The following SAMD3 variants were observed in gnomAD, a reference collection of about 807,000 sequenced individuals.
The protein encoded by SAMD3 is sterile alpha motif domain-containing protein 3.
SAMD3 carries 63 observed loss-of-function variants against 58.5 expected under a neutral mutation model. The observed-to-expected ratio is 1.08, with a 90% CI of 0.88 to 1.33. SAMD3 has a LOEUF of 1.33. SAMD3 is among the 40% of genes most tolerant of loss of function. The probability of loss-of-function intolerance (pLI) is 0.00; values close to 1 mark genes in which losing one functional copy is unlikely to be tolerated. For missense variants in SAMD3, 604 were observed against 608.4 expected, an observed-to-expected ratio of 0.99 and a Z score of 0.08; for synonymous variants, 220 against 210.3, an observed-to-expected ratio of 1.05 and a Z score of -0.40.
chr6:130,164,663 C>A (rs2114626880), intron 8 of SAMD3, among the ~76,000 whole-genome samples: 1 of 152,050 alleles, frequency 6.6e-6, no homozygotes, highest in Non-Finnish European at 1.5e-5. Flanking sequence ...ATATGACATG[C>A]CCACCTTGGG....
intron 2 of SAMD3, among the ~76,000 whole-genome samples, chr6:130,264,371 A>G (rs116904678): frequency 0.012 from 1,782 of 152,256 alleles, 14 homozygotes; most frequent in Middle Eastern, 0.024. Flanking sequence ...ACCTGAAGGG[A>G]TGTGATGAGT....
In SAMD3 at chr6:130,281,156, G is replaced by T. The variant is rs915520961; in HGVS notation, c.-188+31822C>A. On this transcript the variant is annotated intron_variant, in intron 2 of 13. Transcript: ENST00000368134. ...TCTCTCTCTTTCAAAATATCCCATT[G>T]TACTGTCCTCCCCTATTTTGGATTG... Among the ~76,000 whole-genome samples, 4 of 152,236 alleles carry T rather than the reference G, an allele frequency of 2.6e-5. No homozygotes were observed. The East Asian group carries it at 7.7e-4, about 29-fold the overall frequency.
At chr6:130,220,922 C>T (rs569181584) in intron 1 of SAMD3, among the ~76,000 whole-genome samples, 43 of 151,922 alleles carry the variant, frequency 2.8e-4, no homozygotes, top group African/African-American at 8.0e-4. Context: ...GGCACGATCT[C>T]GGCTCACTGC....
At chr6:130,182,953 G>C (rs1792509259) in intron 7 of SAMD3, 2 of 174,862 alleles carry the variant, frequency 1.1e-5, no homozygotes, top group African/African-American at 4.8e-5. Flanking sequence ...ACAGTTCCTT[G>C]TAATTGTTCC....
chr6:130,352,262 G>C (rs1777699097), intron 1 of SAMD3, among the ~76,000 whole-genome samples: 1 of 151,698 alleles, frequency 6.6e-6, no homozygotes, highest in Non-Finnish European at 1.5e-5. Context: ...ACATAGAAAG[G>C]GGATAAACTC....
intron 9 of SAMD3, among the ~76,000 whole-genome samples, chr6:130,153,401 A>C (rs998122902): frequency 1.3e-4 from 20 of 152,148 alleles, no homozygotes; most frequent in African/African-American, 4.8e-4. Flanking sequence ...TTATGTTTCT[A>C]TTAAAATAAT....
At chr6:130,291,130 G>A (rs1033586168) in intron 2 of SAMD3, among the ~76,000 whole-genome samples, 26 of 151,990 alleles carry the variant, frequency 1.7e-4, no homozygotes, top group African/African-American at 4.6e-4. Flanking sequence ...TCACTCTGTC[G>A]CCCAGGCTGG....
chr6:130,344,525 G>A (rs921040259), intron 1 of SAMD3, among the ~76,000 whole-genome samples: 5 of 152,076 alleles, frequency 3.3e-5, no homozygotes, highest in African/African-American at 1.2e-4. Flanking sequence ...GGGATTTCAG[G>A]CAAACACCAT....
chr6:130,246,177 A>G (rs1453835892), intron 2 of SAMD3, among the ~76,000 whole-genome samples: 4 of 152,344 alleles, frequency 2.6e-5, no homozygotes, highest in African/African-American at 9.6e-5. Flanking sequence ...AAGCCTCCAG[A>G]AAATATACTA....
intron 2 of SAMD3, among the ~76,000 whole-genome samples, chr6:130,297,275 CCA>C (rs1775602440): frequency 1.3e-5 from 2 of 152,144 alleles, no homozygotes; most frequent in Admixed American, 6.5e-5. Flanking sequence ...ACCAATGAAC[CCA>C]TATAGAGTCT....
At chr6:130,322,020 G>A (rs961552204) in intron 1 of SAMD3, among the ~76,000 whole-genome samples, 1 of 152,206 alleles carries the variant, frequency 6.6e-6, no homozygotes, top group African/African-American at 2.4e-5. Flanking sequence ...GGAATAAGCA[G>A]AGAAGACAAC....
chr6:130,364,726 T>A (rs1778083907), intron 1 of SAMD3, among the ~76,000 whole-genome samples: 1 of 152,092 alleles, frequency 6.6e-6, no homozygotes, highest in Admixed American at 6.6e-5. Context: ...ACATTTTGAT[T>A]GTGACATCTC....
At chr6:130,332,929 G>A (rs1205689466) in intron 1 of SAMD3, among the ~76,000 whole-genome samples, 1 of 152,150 alleles carries the variant, frequency 6.6e-6, no homozygotes, top group Non-Finnish European at 1.5e-5. Context: ...TGTAGCAGAA[G>A]AGAAGGAAGA....
chr6:130,150,291 C>T (rs749879741), intron 9 of SAMD3, among the ~76,000 whole-genome samples: 132 of 152,228 alleles, frequency 8.7e-4, no homozygotes, highest in Non-Finnish European at 1.3e-3. Flanking sequence ...GTGGCAATAC[C>T]TTGTGGGGCT....
At chr6:130,360,819 T>C (rs972115379) in intron 1 of SAMD3, among the ~76,000 whole-genome samples, 2 of 152,218 alleles carry the variant, frequency 1.3e-5, no homozygotes, top group Non-Finnish European at 2.9e-5. Flanking sequence ...GGGGCCATTT[T>C]AGAGACCCAC....
chr6:130,365,849 G>C (rs530433367), upstream of SAMD3: 3 of 985,660 alleles, frequency 3.0e-6, no homozygotes, highest in South Asian at 1.4e-4. Flanking sequence ...CGTCCTCCAG[G>C]AGGAGTGGGT....
intron 5 of SAMD3, among the ~76,000 whole-genome samples, chr6:130,200,096 A>T (rs1007933534): frequency 3.9e-5 from 6 of 152,072 alleles, no homozygotes; most frequent in Non-Finnish European, 8.8e-5. Context: ...TTCATCAAAA[A>T]CAAAGCAGAA....
chr6:130,238,128 AC>A, intron 2 of SAMD3, among the ~76,000 whole-genome samples: 1 of 152,164 alleles, frequency 6.6e-6, no homozygotes, highest in Non-Finnish European at 1.5e-5. Context: ...CCAAAGTCAT[AC>A]ACATTTATAA....
At chr6:130,148,316 G>C (rs1291843903) in intron 9 of SAMD3, among the ~76,000 whole-genome samples, 1 of 152,148 alleles carries the variant, frequency 6.6e-6, no homozygotes, top group Non-Finnish European at 1.5e-5. Context: ...TTACAAATCT[G>C]ATCCTTTCAT....
Sources: gnomAD v4.1 joint callset for allele counts (sites outside exome capture counted in the v4.1 genomes callset) on GRCh38, gnomAD v4.1.1 for gene constraint, MANE v1.5 for transcripts, NCBI Gene and HGNC (gene_info 2026-07-23, HGNC 2026-07-21) for gene names.